The following PROS1 variants were observed in gnomAD, a reference collection of about 807,000 sequenced individuals.
PROS1 encodes protein S, also known as vitamin K-dependent protein S.
In PROS1, 29 loss-of-function variants were observed where a neutral mutation model predicts 75.9. The ratio of observed to expected loss-of-function variants is 0.38; its 90% CI spans 0.28 to 0.52. The LOEUF is 0.52. Ranked by LOEUF, PROS1 falls within the 20% of genes least tolerant of loss-of-function variation. PROS1 has a pLI of 0.83. For missense variants in PROS1, 680 were observed against 810.3 expected, an observed-to-expected ratio of 0.84 and a Z score of 1.95; for synonymous variants, 245 against 280.6, an observed-to-expected ratio of 0.87 and a Z score of 1.27.
chr3:93,942,838 A>T (rs1178596291), intron 1 of PROS1, among the ~76,000 whole-genome samples: 3 of 152,106 alleles, frequency 2.0e-5, no homozygotes, highest in Non-Finnish European at 4.4e-5. Context: ...CTCCTCAGGG[A>T]TTACTCAGGC....
chr3:93,967,242 G>C (rs557565895), intron 1 of PROS1, among the ~76,000 whole-genome samples: 1 of 152,292 alleles, frequency 6.6e-6, no homozygotes, highest in South Asian at 2.1e-4. Flanking sequence ...AGATTATCCG[G>C]TAGATTGTTG....
At chr3:93,950,479 C>A (rs922300865) in intron 1 of PROS1, among the ~76,000 whole-genome samples, 1 of 152,120 alleles carries the variant, frequency 6.6e-6, no homozygotes, top group African/African-American at 2.4e-5. Context: ...CCCTCTGAGA[C>A]GAAGCTTCCA....
intron 8 of PROS1, among the ~76,000 whole-genome samples, chr3:93,897,053 G>T (rs892833570): frequency 6.6e-6 from 1 of 152,018 alleles, no homozygotes; most frequent in Admixed American, 6.6e-5. Flanking sequence ...CATGAATTAT[G>T]TCTGAAAATT....
At chr3:93,969,343 A>G (rs1174172891) in intron 1 of PROS1, among the ~76,000 whole-genome samples, 1 of 151,884 alleles carries the variant, frequency 6.6e-6, no homozygotes, top group African/African-American at 2.4e-5. Flanking sequence ...TCAGATAAAT[A>G]TTTTCAAATG....
intron 13 of PROS1, among the ~76,000 whole-genome samples, chr3:93,878,477 A>G (rs961736577): frequency 3.0e-4 from 46 of 152,234 alleles, no homozygotes; most frequent in African/African-American, 8.9e-4. Flanking sequence ...CAGCCTTGGC[A>G]TAAACATCAG....
chr3:93,917,558 C>T (rs1708875716), intron 3 of PROS1, among the ~76,000 whole-genome samples: 2 of 152,200 alleles, frequency 1.3e-5, no homozygotes, highest in Admixed American at 6.5e-5. Flanking sequence ...GTGGGAGCCC[C>T]TTTCTGGGCT....
At chr3:93,901,744 C>A (rs1046921485) in intron 6 of PROS1, among the ~76,000 whole-genome samples, 2 of 152,086 alleles carry the variant, frequency 1.3e-5, no homozygotes, top group African/African-American at 4.8e-5. Context: ...AAAACCAGTT[C>A]CCTTGTAGGA....
intron 13 of PROS1, 124 bp downstream of exon 13, chr3:93,879,039 A>C: frequency 9.7e-7 from 1 of 1,028,768 alleles, no homozygotes; most frequent in Non-Finnish European, 1.4e-6. Flanking sequence ...AGATTGTGCC[A>C]AACACTTTAC....
chr3:93,970,971 T>C (rs1709871124), intron 1 of PROS1, among the ~76,000 whole-genome samples: 2 of 152,094 alleles, frequency 1.3e-5, no homozygotes, highest in Non-Finnish European at 2.9e-5. Context: ...GAATAGCCAC[T>C]GCACTCCGGT....
intron 1 of PROS1, among the ~76,000 whole-genome samples, chr3:93,964,552 C>G (rs1218719196): frequency 6.6e-6 from 1 of 152,120 alleles, no homozygotes; most frequent in Non-Finnish European, 1.5e-5. Context: ...TGCTCTCGAA[C>G]CCTATTTTCT....
intron 1 of PROS1, among the ~76,000 whole-genome samples, chr3:93,948,968 T>C (rs1576211216): frequency 6.6e-6 from 1 of 152,172 alleles, no homozygotes; most frequent in East Asian, 1.9e-4. Context: ...ATTAAAAATG[T>C]GCCAGAGAAA....
intron 3 of PROS1, among the ~76,000 whole-genome samples, chr3:93,921,300 A>G (rs1708940610): frequency 6.6e-6 from 1 of 152,230 alleles, no homozygotes; most frequent in Non-Finnish European, 1.5e-5. Flanking sequence ...TTAATTCAAA[A>G]TCAAAAGGAA....
intron 1 of PROS1, among the ~76,000 whole-genome samples, chr3:93,964,587 A>ACCACGTGTCTTG (rs916175441): frequency 6.6e-6 from 1 of 152,158 alleles, no homozygotes. Flanking sequence ...TTATCAAGAC[A>ACCACGTGTCTTG]ATATGTGCAC....
intron 3 of PROS1, among the ~76,000 whole-genome samples, chr3:93,917,914 A>AC (rs1200437806): frequency 6.6e-6 from 1 of 151,612 alleles, no homozygotes; most frequent in Admixed American, 6.6e-5. Context: ...GATGAGCCCC[A>AC]CCCCCTGCTC....
At chr3:93,917,565 G>T (rs1576193321) in intron 3 of PROS1, among the ~76,000 whole-genome samples, 1 of 152,186 alleles carries the variant, frequency 6.6e-6, no homozygotes, top group Non-Finnish European at 1.5e-5. Context: ...CCCCTTTCTG[G>T]GCTGGCCAAG....
At chr3:93,928,589 C>G in intron 1 of PROS1, 1 of 324,898 alleles carries the variant, frequency 3.1e-6, no homozygotes, top group East Asian at 9.0e-5. Flanking sequence ...TAAACTTTCT[C>G]AATTTTAATG....
At chr3:93,969,322 TTTG>T (rs1482486610) in intron 1 of PROS1, among the ~76,000 whole-genome samples, 2 of 152,114 alleles carry the variant, frequency 1.3e-5, no homozygotes, top group Admixed American at 6.5e-5. Flanking sequence ...GCAGTAGTTA[TTTG>T]CATTATATCA....
intron 1 of PROS1, among the ~76,000 whole-genome samples, chr3:93,933,876 G>C (rs1476383034): frequency 6.6e-6 from 1 of 152,156 alleles, no homozygotes. Context: ...GGGCACGGTG[G>C]TGCGTGCTTG....
At chr3:93,954,132 C>G (rs545689063) in intron 1 of PROS1, among the ~76,000 whole-genome samples, 3 of 151,990 alleles carry the variant, frequency 2.0e-5, no homozygotes, top group Admixed American at 2.0e-4. Context: ...ATCAATATCA[C>G]GAAAATGGCC....
Sources: allele counts gnomAD v4.1 joint callset (sites outside exome capture counted in the v4.1 genomes callset), GRCh38; gene constraint gnomAD v4.1.1; transcripts MANE v1.5; gene names NCBI Gene and HGNC (gene_info 2026-07-23, HGNC 2026-07-21).